Variants in CNTLN observed in about 807,000 individuals in gnomAD.
CNTLN encodes the protein centlein, also known as centlein, centrosomal protein.
In CNTLN, 212 loss-of-function variants were observed where a neutral mutation model predicts 180.0. The observed-to-expected ratio is 1.18, with a 90% CI of 1.05 to 1.32. The LOEUF is 1.32. Among genes scored for constraint, CNTLN ranks in the 40% most tolerant of loss-of-function variants. The probability of loss-of-function intolerance (pLI) is 0.00; values close to 1 mark genes in which losing one functional copy is unlikely to be tolerated. For missense variants in CNTLN, 2,095 were observed against 1,610.9 expected (o/e 1.30, Z -5.14); for synonymous variants, 722 against 563.1 (o/e 1.28, Z -3.99).
intron 18 of CNTLN, among the ~76,000 whole-genome samples, chr9:17,425,151 C>T (rs1828993875): frequency 6.6e-6 from 1 of 152,038 alleles, no homozygotes; most frequent in African/African-American, 2.4e-5. Context: ...GTTTAAATAA[C>T]AAAATTGGTT....
intron 2 of CNTLN, among the ~76,000 whole-genome samples, chr9:17,178,339 G>T (rs1354012831): frequency 6.6e-6 from 1 of 152,204 alleles, no homozygotes; most frequent in African/African-American, 2.4e-5. Flanking sequence ...CAGGAGCCCA[G>T]CTGGCTTCAC....
intron 18 of CNTLN, among the ~76,000 whole-genome samples, chr9:17,440,268 T>C (rs1435521696): frequency 1.3e-5 from 2 of 151,932 alleles, no homozygotes; most frequent in African/African-American, 4.8e-5. Flanking sequence ...CTCCCAGGTA[T>C]ACATTTAAGA....
chr9:17,346,099 TG>T (rs1821866794), intron 12 of CNTLN, among the ~76,000 whole-genome samples: 1 of 152,180 alleles, frequency 6.6e-6, no homozygotes, highest in Non-Finnish European at 1.5e-5. Context: ...TCCACACGGC[TG>T]GGGAGGCCTC....
At chr9:17,213,861 A>T (rs1476215656) in intron 2 of CNTLN, among the ~76,000 whole-genome samples, 3 of 152,116 alleles carry the variant, frequency 2.0e-5, no homozygotes, top group African/African-American at 7.2e-5. Flanking sequence ...GTTTTATCAG[A>T]CACCAGGATT....
At position 17,135,426 on chromosome 9, in the gene CNTLN, G is replaced by C; in HGVS notation, c.360+1G>C. ...AAAGGAGGAGTTGGCCCTGTGTCAGGTATCGAGGAGTCTCGCAGTCCCCCT... is the reference window on the plus strand; with the variant it reads ...AAAGGAGGAGTTGGCCCTGTGTCAGCTATCGAGGAGTCTCGCAGTCCCCCT... On this transcript the variant is annotated splice_donor_variant, in intron 1 of 25. Coordinates refer to ENST00000380647, the MANE Select transcript of CNTLN (RefSeq NM_017738.4). LOFTEE classifies it high-confidence loss of function. 1.9e-6 allele frequency: 3 copies of C among 1,593,178 alleles called. No homozygotes were observed. Among genetic ancestry groups the C allele is most frequent in the East Asian group, 2.3e-5 (1 of 44,224 alleles).
At chr9:17,139,625 A>G (rs1817949608) in intron 1 of CNTLN, among the ~76,000 whole-genome samples, 1 of 151,636 alleles carries the variant, frequency 6.6e-6, no homozygotes, top group South Asian at 2.1e-4. Context: ...GCGCCACTGC[A>G]CTCCAGCCTG....
rs530368849 is a variant in CNTLN at position 17,417,098 on chromosome 9, C to T, written c.3114+909C>T. On this transcript the variant is annotated intron_variant, in intron 18 of 25. Transcript: ENST00000380647. ...CAAACCTTAACTGCATTCCAACTTA[C>T]ACCAGAAGTTTCTGGATTTTACAGG... Among the ~76,000 whole-genome samples, 6 of 152,222 alleles carry T rather than the reference C, an allele frequency of 3.9e-5. No homozygotes were observed. The East Asian group carries it at 9.6e-4, about 24-fold the overall frequency.
chr9:17,267,810 C>G (rs994423071), intron 5 of CNTLN, among the ~76,000 whole-genome samples: 1 of 152,190 alleles, frequency 6.6e-6, no homozygotes, highest in Non-Finnish European at 1.5e-5. Context: ...CACTGATACC[C>G]TTTCTTCCAG....
At chr9:17,211,252 CCA>C (rs1823283867) in intron 2 of CNTLN, among the ~76,000 whole-genome samples, 1 of 152,158 alleles carries the variant, frequency 6.6e-6, no homozygotes, top group African/African-American at 2.4e-5. Context: ...AGGAAGGGAT[CCA>C]GTTTCAGCTT....
intron 6 of CNTLN, among the ~76,000 whole-genome samples, chr9:17,283,139 T>C (rs1444628332): frequency 6.6e-6 from 1 of 152,172 alleles, no homozygotes; most frequent in African/African-American, 2.4e-5. Flanking sequence ...TTAATGGTAG[T>C]TTAATAGGAA....
intron 2 of CNTLN, among the ~76,000 whole-genome samples, chr9:17,211,291 A>G (rs1823287106): frequency 1.3e-5 from 2 of 152,212 alleles, no homozygotes; most frequent in African/African-American, 4.8e-5. Context: ...CAGTTTTCGC[A>G]GCACCATTTA....
rs551077165 is a variant in CNTLN, at chr9:17,288,625, A to C, written c.984-9565A>C. Among the ~76,000 whole-genome samples the C allele has an allele frequency of 6.7e-5, 9 of 133,580 alleles. No homozygotes were observed. The South Asian group carries it at 1.5e-3, about 22-fold the overall frequency. The allele number at this position is 133,580 out of a possible 152,430, so 87.6% of individuals were successfully genotyped here. A position where few individuals can be genotyped will look rare whatever the true frequency, so the allele number is the denominator to read the frequency against. ...CAGTGGGGTGTTAAAGTCTCCCATT[A>C]TTAATGTGTGGGAGTCTAAGTCTCT... On this transcript the variant is annotated intron_variant, in intron 6 of 25. Coordinates refer to ENST00000380647, the MANE Select transcript of CNTLN (RefSeq NM_017738.4).
chr9:17,451,612 T>C (rs932013600), intron 18 of CNTLN, among the ~76,000 whole-genome samples: 4 of 152,174 alleles, frequency 2.6e-5, no homozygotes, highest in African/African-American at 9.7e-5. Flanking sequence ...TGGTTACTGA[T>C]TGGCCTTTTT....
intron 5 of CNTLN, among the ~76,000 whole-genome samples, chr9:17,266,451 C>CT (rs1827452273): frequency 1.3e-5 from 2 of 152,098 alleles, no homozygotes; most frequent in African/African-American, 2.4e-5. Flanking sequence ...GAGAGCTTTG[C>CT]TTCCCAGTAT....
intron 18 of CNTLN, among the ~76,000 whole-genome samples, chr9:17,428,220 T>G (rs953582431): frequency 6.6e-6 from 1 of 152,068 alleles, no homozygotes; most frequent in Non-Finnish European, 1.5e-5. Flanking sequence ...CTTTTCAACT[T>G]CATGAGTACA....
At chr9:17,483,436 T>G (rs1436398388) in intron 23 of CNTLN, among the ~76,000 whole-genome samples, 2 of 152,194 alleles carry the variant, frequency 1.3e-5, no homozygotes, top group African/African-American at 4.8e-5. Flanking sequence ...TACACACCCT[T>G]TGATCCAGCA....
chr9:17,519,947 A>G, the CNTLN span, among the ~76,000 whole-genome samples: 1 of 152,232 alleles, frequency 6.6e-6, no homozygotes, highest in East Asian at 1.9e-4. Context: ...ACCCTCAGGA[A>G]TCGGGCAGTG....
At chr9:17,310,650 GT>G (rs1243559521) in intron 8 of CNTLN, among the ~76,000 whole-genome samples, 8 of 152,110 alleles carry the variant, frequency 5.3e-5, no homozygotes, top group African/African-American at 1.9e-4. Context: ...CTGATCACCT[GT>G]TTTTCAAAGT....
chr9:17,309,886 G>T (rs1819006210), intron 8 of CNTLN, among the ~76,000 whole-genome samples: 1 of 151,890 alleles, frequency 6.6e-6, no homozygotes. Flanking sequence ...TGTTTTTAAG[G>T]CTCTCATAGC....
Sources: allele counts gnomAD v4.1 joint callset (sites outside exome capture counted in the v4.1 genomes callset), GRCh38; gene constraint gnomAD v4.1.1; transcripts MANE v1.5; gene names NCBI Gene and HGNC (gene_info 2026-07-23, HGNC 2026-07-21).